KNTC1: variants seen among roughly 807,000 people sequenced by gnomAD.
KNTC1 encodes kinetochore associated 1, also known as kinetochore-associated protein 1.
Under a neutral mutation model 314.4 loss-of-function variants are expected in KNTC1, and 253 were observed. The observed-to-expected ratio is 0.80, with a 90% CI of 0.73 to 0.89. The LOEUF is 0.89. Ranked by LOEUF, KNTC1 falls within the 40% of genes least tolerant of loss-of-function variation. KNTC1 has a pLI of 0.00. For synonymous variants in KNTC1, 901 were observed against 901.4 expected, an observed-to-expected ratio of 1.00 and a Z score of 0.01; for missense variants, 2,475 against 2,572.9, an observed-to-expected ratio of 0.96 and a Z score of 0.82.
chr12:122,615,674 C>T (rs891219234), intron 57 of KNTC1, 148 bp downstream of exon 57: 11 of 728,938 alleles, frequency 1.5e-5, no homozygotes, highest in East Asian at 9.6e-5. Context: ...GTAACCCCAA[C>T]GCTTTGGGAG....
intron 34 of KNTC1, among the ~76,000 whole-genome samples, chr12:122,583,243 G>A (rs896061118): frequency 2.0e-5 from 3 of 151,330 alleles, no homozygotes; most frequent in South Asian, 4.2e-4. Flanking sequence ...GCAGTGAGCC[G>A]AGATCACACC....
chr12:122,589,511 C>A (rs1869847455), intron 40 of KNTC1, among the ~76,000 whole-genome samples: 1 of 148,378 alleles, frequency 6.7e-6, no homozygotes, highest in East Asian at 2.0e-4. Context: ...CACTCTGTCA[C>A]CTAGGCTATA....
chr12:122,605,161 C>T (rs546031656), intron 50 of KNTC1, 74 bp downstream of exon 50: 127 of 1,308,312 alleles, frequency 9.7e-5, no homozygotes, highest in Admixed American at 2.1e-4. Flanking sequence ...TATATATGTA[C>T]GTGTACATAT....
chr12:122,601,143 C>T (rs1037917763), intron 44 of KNTC1, among the ~76,000 whole-genome samples: 2 of 151,900 alleles, frequency 1.3e-5, no homozygotes, highest in African/African-American at 2.4e-5. Context: ...AGTGCAGTGG[C>T]GCAATCTCAG....
At chr12:122,557,091 C>G (rs1042832405) in intron 16 of KNTC1, among the ~76,000 whole-genome samples, 6 of 151,984 alleles carry the variant, frequency 3.9e-5, no homozygotes, top group African/African-American at 1.4e-4. Flanking sequence ...TTTATTTATT[C>G]ACTTATCTGT....
At chr12:122,619,658 T>C (rs894607796) in intron 59 of KNTC1, among the ~76,000 whole-genome samples, 1 of 150,980 alleles carries the variant, frequency 6.6e-6, no homozygotes, top group Non-Finnish European at 1.5e-5. Flanking sequence ...ATGATCCACC[T>C]GCCTCGGCCT....
chr12:122,585,580 A>G, intron 36 of KNTC1, 56 bp from the exon 37 acceptor site: 1 of 1,579,070 alleles, frequency 6.3e-7, no homozygotes, highest in East Asian at 2.2e-5. Context: ...ACCAGAAGAA[A>G]CAATGTGTTG....
rs754928455 is a variant in KNTC1 at position 122,577,622 on chromosome 12, T to C, written c.2722-50T>C. On this transcript the variant is annotated intron_variant, in intron 30 of 63. Transcript: ENST00000333479. ...AAAAGAAAGAGGTAAGGCCACACCG[T>C]CCTTTGCAAATACCAGCTGTTTTTT... The C allele has an allele frequency of 5.1e-6, 8 of 1,568,658 alleles. No homozygotes were observed. The South Asian group carries it at 7.2e-5, about 14-fold the overall frequency.
Position 122,603,018 on chromosome 12 carries a change from T to C in KNTC1, c.4885-9T>C. ...TGTGCTTCAGCCATAACCTTCCTTTTCTTTGAAGTTCTCTCTGGACACTCT... is the reference window on the plus strand; with the variant it reads ...TGTGCTTCAGCCATAACCTTCCTTTCCTTTGAAGTTCTCTCTGGACACTCT... On this transcript the variant is annotated splice_polypyrimidine_tract_variant and intron_variant, in intron 47 of 63. Transcript: ENST00000333479. The C allele has an allele frequency of 1.9e-6, 3 of 1,611,710 alleles. No homozygotes were observed. Among genetic ancestry groups the C allele is most frequent in the Non-Finnish European group, 2.5e-6 (3 of 1,178,672 alleles).
chr12:122,570,994 TG>T (rs756638882), intron 23 of KNTC1, 30 bp from the exon 24 acceptor site: 2 of 1,603,948 alleles, frequency 1.2e-6, no homozygotes, highest in Non-Finnish European at 1.7e-6. Flanking sequence ...CATAAAACAT[TG>T]TTTTGAACTG....
chr12:122,542,047 T>C lies in KNTC1; in HGVS notation c.446-3T>C. 1 of 1,519,234 alleles carries C rather than the reference T, an allele frequency of 6.6e-7. No individual in the cohort carries two copies. Among genetic ancestry groups the C allele is most frequent in the Non-Finnish European group, 8.9e-7 (1 of 1,129,428 alleles). 94.1% of individuals were successfully genotyped at this position (1,519,234 alleles called of 1,614,324 possible). A position where few individuals can be genotyped will look rare whatever the true frequency, so the allele number is the denominator to read the frequency against. ...GAAACTGATTCTGATTTTATTTCAA[T>C]AGGTACCTATTATATGCTACTTCTT... On this transcript the variant is annotated splice_polypyrimidine_tract_variant and splice_region_variant and intron_variant, in intron 5 of 63. Coordinates refer to ENST00000333479, the MANE Select transcript of KNTC1 (RefSeq NM_014708.6).
intron 52 of KNTC1, among the ~76,000 whole-genome samples, chr12:122,610,358 C>G (rs990183449): frequency 1.3e-5 from 2 of 152,196 alleles, no homozygotes; most frequent in Non-Finnish European, 2.9e-5. Context: ...GCTTTTTCCA[C>G]TAAAAGCTCT....
intron 18 of KNTC1, among the ~76,000 whole-genome samples, chr12:122,561,325 AT>A (rs199545774): frequency 2.6e-5 from 4 of 151,734 alleles, no homozygotes; most frequent in East Asian, 1.9e-4. Flanking sequence ...AAAAAAAAAA[AT>A]AATAATAATA....
At chr12:122,579,800 C>T (rs1965281944) in intron 31 of KNTC1, 105 bp from the exon 32 acceptor site, 12 of 752,292 alleles carry the variant, frequency 1.6e-5, no homozygotes, top group South Asian at 1.5e-4. Context: ...AACTCCTCCA[C>T]GATTGTTTTT....
In KNTC1 at chr12:122,597,895, G is replaced by C; in HGVS notation, c.4520G>C (p.Ser1507Thr). The C allele has an allele frequency of 6.2e-7, 1 of 1,613,996 alleles. No individual in the cohort carries two copies. The highest frequency in any genetic ancestry group is 1.7e-4 in the Middle Eastern group (1 of 6,060). The change falls in exon 44 of 64, where the codon AGC (serine) becomes ACC (threonine). Residue 1507 changes from serine (S) to threonine (T), a missense_variant. Physicochemically the swap from Ser to Thr is moderately conservative, Grantham distance 58. Coordinates refer to ENST00000333479, the MANE Select transcript of KNTC1 (RefSeq NM_014708.6). Reference protein sequence around the residue: ...KALEMVPLLTSTKDLVISLSG... With the variant: ...KALEMVPLLTTTKDLVISLSG... Reference sequence around the variant, plus strand: ...CTTGAGATGGTTCCTTTACTGACGAGCACAAAAGATTTGGTCATCAGTCTT... The same window carrying C: ...CTTGAGATGGTTCCTTTACTGACGACCACAAAAGATTTGGTCATCAGTCTT...
chr12:122,618,096 C>T (rs1436912449), intron 57 of KNTC1, among the ~76,000 whole-genome samples: 12 of 152,182 alleles, frequency 7.9e-5, no homozygotes, highest in South Asian at 4.2e-4. Context: ...CTCAGCCTCC[C>T]GAGTAGCTGG....
intron 2 of KNTC1, among the ~76,000 whole-genome samples, chr12:122,532,288 A>G (rs1307663365): frequency 6.9e-6 from 1 of 144,954 alleles, no homozygotes; most frequent in East Asian, 2.0e-4. Context: ...GGCTCATTGC[A>G]ACCTCCGCCT....
chr12:122,605,319 A>G lies in KNTC1; in HGVS notation c.5400A>G (p.Ala1800=), dbSNP rs1872475141. The G allele has an allele frequency of 6.3e-7, 1 of 1,591,574 alleles. No homozygotes were observed. Among genetic ancestry groups the G allele is most frequent in the Non-Finnish European group, 8.6e-7 (1 of 1,167,606 alleles). Residue 1800 remains alanine, a synonymous_variant, in exon 51 of 64, where the codon GCA becomes GCG. Coordinates refer to ENST00000333479, the MANE Select transcript of KNTC1 (RefSeq NM_014708.6). ...SGTDYPDIHA[A]AKEIAEVNEI... is the part of the protein sequence containing the mutation. ...TGAATATCTTAGATATTCATGCAGC[A>G]GCTAAAGAAATAGCCGAAGTCAATG...
intron 57 of KNTC1, chr12:122,617,269 C>G (rs1391889605): frequency 6.6e-6 from 2 of 303,448 alleles, no homozygotes; most frequent in Non-Finnish European, 1.3e-5. Flanking sequence ...TATGTTTAGC[C>G]TTTTGAGGTA....
Sources: allele counts gnomAD v4.1 joint callset (sites outside exome capture counted in the v4.1 genomes callset), GRCh38; gene constraint gnomAD v4.1.1; transcripts MANE v1.5; gene names NCBI Gene and HGNC (gene_info 2026-07-23, HGNC 2026-07-21).